The following TTLL11 variants were observed in gnomAD, a reference collection of about 807,000 sequenced individuals.
The protein encoded by TTLL11 is tubulin tyrosine ligase like 11.
A neutral mutation model predicts 51.7 loss-of-function variants in TTLL11; 42 were observed. The ratio of observed to expected loss-of-function variants is 0.81; its 90% CI spans 0.64 to 1.05. The LOEUF (loss-of-function observed/expected upper bound fraction) is 1.05. Among genes scored for constraint, TTLL11 ranks in the 50% least tolerant of loss-of-function variants. The pLI is 0.00. For synonymous variants in TTLL11, 381 were observed against 383.5 expected (o/e 0.99, Z 0.08); for missense variants, 799 against 940.4 (o/e 0.85, Z 1.97).
intron 6 of TTLL11, among the ~76,000 whole-genome samples, chr9:121,929,314 C>G (rs893406662): frequency 1.1e-4 from 17 of 151,990 alleles, no homozygotes; most frequent in African/African-American, 3.9e-4. Flanking sequence ...GTGGCGCACA[C>G]CTGTAATCCC....
intron 6 of TTLL11, among the ~76,000 whole-genome samples, chr9:121,945,522 G>C (rs931062937): frequency 6.6e-6 from 1 of 152,222 alleles, no homozygotes; most frequent in South Asian, 2.1e-4. Flanking sequence ...AAGTGTCCAC[G>C]AGGTCCTCCT....
chr9:121,860,169 C>T (rs1837960044), intron 8 of TTLL11, among the ~76,000 whole-genome samples, 168 bp downstream of exon 8: 1 of 152,196 alleles, frequency 6.6e-6, no homozygotes. Context: ...AATTCGGTAG[C>T]AGACAGTGCT....
intron 6 of TTLL11, among the ~76,000 whole-genome samples, chr9:121,961,771 A>G (rs1842231669): frequency 6.6e-6 from 1 of 152,192 alleles, no homozygotes; most frequent in African/African-American, 2.4e-5. Flanking sequence ...AGGGAGAAAA[A>G]TAGGCCAGGT....
chr9:121,849,318 G>A (rs992298290), intron 8 of TTLL11, among the ~76,000 whole-genome samples: 2 of 152,174 alleles, frequency 1.3e-5, no homozygotes, highest in Non-Finnish European at 2.9e-5. Flanking sequence ...GATAATATGG[G>A]AGAAAATCTA....
intron 7 of TTLL11, among the ~76,000 whole-genome samples, chr9:121,865,705 T>G (rs1661184102): frequency 6.6e-6 from 1 of 152,028 alleles, no homozygotes; most frequent in Admixed American, 6.5e-5. Context: ...ACCCCAGCAA[T>G]TATTATAAAA....
intron 6 of TTLL11, among the ~76,000 whole-genome samples, chr9:121,950,280 T>C (rs1028014067): frequency 1.3e-5 from 2 of 152,154 alleles, no homozygotes; most frequent in Non-Finnish European, 2.9e-5. Flanking sequence ...GTGAGCTCCC[T>C]GAGGCCGTGG....
chr9:121,982,543 C>A (rs1313895218), intron 4 of TTLL11, among the ~76,000 whole-genome samples: 1 of 151,870 alleles, frequency 6.6e-6, no homozygotes, highest in Non-Finnish European at 1.5e-5. Flanking sequence ...ATGGTGAAAC[C>A]CTGTCTCTAC....
At chr9:122,036,264 C>T (rs1249947654) in intron 2 of TTLL11, among the ~76,000 whole-genome samples, 1 of 151,902 alleles carries the variant, frequency 6.6e-6, no homozygotes, top group Non-Finnish European at 1.5e-5. Flanking sequence ...CTCACTGAAG[C>T]TCCCTCCCTC....
At position 122,092,951 on chromosome 9, in the gene TTLL11, G is replaced by T; in HGVS notation, c.198C>A (p.Ala66=). 1 of 1,578,998 alleles carries T rather than the reference G, an allele frequency of 6.3e-7. No individual in the cohort carries two copies. Residue 66 remains alanine, a synonymous_variant, in exon 1 of 9, where the codon GCC becomes GCA. Transcript: ENST00000321582. ...GEEQPKVLAP[A]PAQPSAAEEG... Reference sequence around the variant, plus strand: ...CCTCAGCCGCACTGGGCTGCGCCGGGGCCGGGGCCAGGACCTTGGGCTGCT... The same window carrying T: ...CCTCAGCCGCACTGGGCTGCGCCGGTGCCGGGGCCAGGACCTTGGGCTGCT...
intron 6 of TTLL11, among the ~76,000 whole-genome samples, chr9:121,930,056 G>A (rs1840906443): frequency 1.3e-5 from 2 of 152,182 alleles, no homozygotes; most frequent in Admixed American, 1.3e-4. Context: ...AGGAAATATT[G>A]CATTCCCCAA....
rs1182009944 is a variant in TTLL11 at position 121,817,636 on chromosome 9, A to G, written c.*4951T>C. The G allele has an allele frequency of 6.6e-6, 1 of 152,220 alleles. No homozygotes were observed. The highest frequency in any genetic ancestry group is 1.5e-5 in the Non-Finnish European group (1 of 68,076). 9.4% of individuals were successfully genotyped at this position (152,220 alleles called of 1,614,324 possible). On this transcript the variant is annotated 3_prime_UTR_variant, in exon 9 of 9. Transcript: ENST00000321582. ...GTCCCCAGAACTGAGTGGAGCAAAC[A>G]CCCAGCCTCTGCGGGACGTGGGTTT...
intron 6 of TTLL11, among the ~76,000 whole-genome samples, chr9:121,973,688 A>G (rs56385015): frequency 0.081 from 12,255 of 152,086 alleles, 778 homozygotes; most frequent in African/African-American, 0.18. Context: ...GCACATGTAT[A>G]CATATGTAAC....
intron 6 of TTLL11, among the ~76,000 whole-genome samples, chr9:121,937,883 C>T (rs1431054531): frequency 6.6e-6 from 1 of 151,964 alleles, no homozygotes; most frequent in African/African-American, 2.4e-5. Context: ...ATATAATTAC[C>T]AAGGTTTATC....
At chr9:121,943,919 T>C (rs1588144029) in intron 6 of TTLL11, among the ~76,000 whole-genome samples, 1 of 152,342 alleles carries the variant, frequency 6.6e-6, no homozygotes, top group African/African-American at 2.4e-5. Flanking sequence ...AATGATTCTA[T>C]AAGACTGCCC....
chr9:121,994,514 G>A (rs948703102), intron 3 of TTLL11, among the ~76,000 whole-genome samples: 27 of 152,214 alleles, frequency 1.8e-4, no homozygotes, highest in Admixed American at 6.5e-4. Flanking sequence ...GAGGCCCAGA[G>A]ATGTCAAGTA....
intron 8 of TTLL11, among the ~76,000 whole-genome samples, chr9:121,859,928 C>T (rs1165837394): frequency 6.6e-6 from 1 of 152,240 alleles, no homozygotes; most frequent in Non-Finnish European, 1.5e-5. Context: ...TCCCTCCGAG[C>T]CAGGCATCCT....
chr9:121,830,511 G>T (rs1457929389), intron 8 of TTLL11, among the ~76,000 whole-genome samples: 1 of 152,222 alleles, frequency 6.6e-6, no homozygotes, highest in Admixed American at 6.5e-5. Flanking sequence ...CCCAAACTGA[G>T]AGAAGCTTGA....
chr9:121,835,540 C>A (rs1373249962), intron 8 of TTLL11, among the ~76,000 whole-genome samples: 1 of 152,198 alleles, frequency 6.6e-6, no homozygotes, highest in Non-Finnish European at 1.5e-5. Flanking sequence ...GTCACTATCA[C>A]CTTTGTCCTT....
chr9:122,079,363 C>T (rs1490514943), intron 1 of TTLL11, among the ~76,000 whole-genome samples: 1 of 152,088 alleles, frequency 6.6e-6, no homozygotes, highest in Non-Finnish European at 1.5e-5. Context: ...CTTAATGTAA[C>T]CCCCTCCCCC....
Sources: gnomAD v4.1 joint callset for allele counts (sites outside exome capture counted in the v4.1 genomes callset) on GRCh38, gnomAD v4.1.1 for gene constraint, MANE v1.5 for transcripts, NCBI Gene and HGNC (gene_info 2026-07-23, HGNC 2026-07-21) for gene names.